Variants in CADM1 observed in about 807,000 individuals in gnomAD.
CADM1 encodes TSLC-1.
Under a neutral mutation model 53.1 loss-of-function variants are expected in CADM1, and 15 were observed. The ratio of observed to expected loss-of-function variants is 0.28; its 90% CI spans 0.19 to 0.44. The LOEUF is 0.44. Among genes scored for constraint, CADM1 ranks in the 20% least tolerant of loss-of-function variants. The pLI, the probability that CADM1 is intolerant of heterozygous loss-of-function variation, is 1.00. For missense variants in CADM1, 434 were observed against 611.3 expected (o/e 0.71, Z 3.06); for synonymous variants, 281 against 243.0 (o/e 1.16, Z -1.45).
chr11:115,217,942 G>C lies in CADM1; in HGVS notation c.771C>G (p.Thr257=). 6.2e-7 allele frequency: 1 copy of C among 1,613,636 alleles called. No homozygotes were observed. The highest frequency in any genetic ancestry group is 1.1e-5 in the South Asian group (1 of 91,070). Residue 257 remains threonine, a synonymous_variant, in exon 6 of 12, where the codon ACC becomes ACG. Transcript: ENST00000331581. ...TTAACTCAAGCGCGTCCCCTTCCCG[G>C]GTTAAGCCTTGTAGAGGATAAGTCA... is the stretch of plus-strand genomic sequence containing the variant. The part of the protein sequence containing the change: ...IQMTYPLQGL[T]REGDALELTC...
chr11:115,273,815 G>A (rs903818006), intron 1 of CADM1, among the ~76,000 whole-genome samples: 5 of 152,072 alleles, frequency 3.3e-5, no homozygotes, highest in East Asian at 1.9e-4. Flanking sequence ...TCAAAACATC[G>A]CCTGGAGAAA....
intron 5 of CADM1, among the ~76,000 whole-genome samples, chr11:115,228,143 C>T (rs1013995340): frequency 1.3e-5 from 2 of 152,192 alleles, no homozygotes; most frequent in South Asian, 2.1e-4. Flanking sequence ...GCTCCTGGGA[C>T]TCCTAGAGCT....
intron 1 of CADM1, among the ~76,000 whole-genome samples, chr11:115,425,355 G>A (rs1483323508): frequency 1.3e-5 from 2 of 152,200 alleles, no homozygotes; most frequent in African/African-American, 4.8e-5. Context: ...AATGAGAACA[G>A]GCTCCAGTTC....
At chr11:115,274,980 G>A (rs1212075362) in intron 1 of CADM1, among the ~76,000 whole-genome samples, 1 of 152,138 alleles carries the variant, frequency 6.6e-6, no homozygotes, top group Non-Finnish European at 1.5e-5. Context: ...TGAGGTAACT[G>A]AGGTCTGCAA....
intron 1 of CADM1, among the ~76,000 whole-genome samples, chr11:115,386,340 A>G (rs763754259): frequency 1.1e-4 from 16 of 152,278 alleles, no homozygotes; most frequent in Non-Finnish European, 2.1e-4. Flanking sequence ...CAGCCTTTAT[A>G]TTAAATGTAT....
rs76140240 is a variant in CADM1, at chr11:115,333,056, C to T, written c.125-92636G>A. 2.2e-3 allele frequency among the ~76,000 whole-genome samples: 332 copies of T among 152,190 alleles called. 3 individuals are homozygous for T. The highest frequency in any genetic ancestry group is 7.7e-3 in the African/African-American group (319 of 41,516). Reference sequence around the variant, plus strand: ...TCCAATTGCTTACTGGTCTTTTCTCCCTGATGTCCCATCAGTTCTTCAAAA... The same window carrying T: ...TCCAATTGCTTACTGGTCTTTTCTCTCTGATGTCCCATCAGTTCTTCAAAA... On this transcript the variant is annotated intron_variant, in intron 1 of 11. Transcript: ENST00000331581.
chr11:115,173,894 T>C lies in CADM1; in HGVS notation c.*2580A>G, dbSNP rs1938892918. Reference sequence around the variant, plus strand: ...CATCCTTCATTATTTTATATTCCTTTAAAAAACACAAAAAACAAGTTTGTT... The same window carrying C: ...CATCCTTCATTATTTTATATTCCTTCAAAAAACACAAAAAACAAGTTTGTT... On this transcript the variant is annotated 3_prime_UTR_variant, in exon 12 of 12. Coordinates refer to ENST00000331581, the MANE Select transcript of CADM1 (RefSeq NM_001301043.2). The C allele has an allele frequency of 1.0e-6, 1 of 972,280 alleles. No individual in the cohort carries two copies. The highest frequency in any genetic ancestry group is 1.2e-6 in the Non-Finnish European group (1 of 818,168). 60.2% of individuals were successfully genotyped at this position (972,280 alleles called of 1,614,324 possible).
intron 1 of CADM1, among the ~76,000 whole-genome samples, chr11:115,354,001 A>G (rs888940749): frequency 2.0e-5 from 3 of 152,206 alleles, no homozygotes; most frequent in African/African-American, 7.2e-5. Context: ...AAAATCATGC[A>G]CAGGAAAGAA....
intron 1 of CADM1, among the ~76,000 whole-genome samples, chr11:115,424,442 A>G (rs1002354037): frequency 9.2e-5 from 14 of 152,224 alleles, no homozygotes. Flanking sequence ...GTGAAGTTAG[A>G]CTTCCATATG....
intron 1 of CADM1, among the ~76,000 whole-genome samples, chr11:115,362,102 G>C (rs1230671950): frequency 2.0e-5 from 3 of 152,122 alleles, no homozygotes; most frequent in Non-Finnish European, 4.4e-5. Context: ...TTTGGGTAAA[G>C]GTAGTTTGTT....
chr11:115,385,832 T>G (rs1946687053), intron 1 of CADM1, among the ~76,000 whole-genome samples: 1 of 152,164 alleles, frequency 6.6e-6, no homozygotes, highest in Non-Finnish European at 1.5e-5. Context: ...GTTCTTTGAC[T>G]TAACAAAAGT....
chr11:115,438,720 CA>C (rs35512432), intron 1 of CADM1, among the ~76,000 whole-genome samples: 39 of 150,466 alleles, frequency 2.6e-4, no homozygotes, highest in African/African-American at 7.8e-4. Context: ...ATGGTTTGAT[CA>C]AAAAAAAAGG....
At chr11:115,252,954 T>C (rs191538254) in intron 1 of CADM1, among the ~76,000 whole-genome samples, 2 of 152,284 alleles carry the variant, frequency 1.3e-5, no homozygotes, top group East Asian at 3.9e-4. Context: ...GTTACTGAAA[T>C]ATGCACGAAT....
chr11:115,432,148 T>G (rs1225973460), intron 1 of CADM1, among the ~76,000 whole-genome samples: 1 of 152,022 alleles, frequency 6.6e-6, no homozygotes, highest in Non-Finnish European at 1.5e-5. Flanking sequence ...GGTTTCACCA[T>G]GTTGGCCAGG....
At chr11:115,473,551 G>C (rs1008601808) in intron 1 of CADM1, among the ~76,000 whole-genome samples, 7 of 152,150 alleles carry the variant, frequency 4.6e-5, no homozygotes, top group African/African-American at 1.4e-4. Flanking sequence ...ATGGTCAATT[G>C]ACTTCTGACA....
chr11:115,290,907 A>G (rs1943880101), intron 1 of CADM1, among the ~76,000 whole-genome samples: 2 of 152,214 alleles, frequency 1.3e-5, no homozygotes, highest in Non-Finnish European at 2.9e-5. Context: ...AAGGGCTTGC[A>G]TTGACTGGCA....
intron 1 of CADM1, among the ~76,000 whole-genome samples, chr11:115,365,857 T>C (rs1411504909): frequency 6.6e-6 from 1 of 152,210 alleles, no homozygotes; most frequent in African/African-American, 2.4e-5. Context: ...ATTTTTAGGA[T>C]AAGACCATTT....
chr11:115,323,825 T>C (rs1944887787), intron 1 of CADM1, among the ~76,000 whole-genome samples: 1 of 151,542 alleles, frequency 6.6e-6, no homozygotes, highest in African/African-American at 2.4e-5. Context: ...GTAAATATTC[T>C]GAAGGAGGAT....
intron 1 of CADM1, among the ~76,000 whole-genome samples, chr11:115,380,663 C>T (rs1403976538): frequency 6.6e-6 from 1 of 152,156 alleles, no homozygotes; most frequent in African/African-American, 2.4e-5. Flanking sequence ...GCTGTCGAGG[C>T]CCTCTTTCAT....
Sources: allele counts gnomAD v4.1 joint callset (sites outside exome capture counted in the v4.1 genomes callset), GRCh38; gene constraint gnomAD v4.1.1; transcripts MANE v1.5; gene names NCBI Gene and HGNC (gene_info 2026-07-23, HGNC 2026-07-21).